Variants in PCCA observed in about 807,000 individuals in gnomAD.
The protein encoded by PCCA is propionyl-CoA carboxylase subunit alpha.
Under a neutral mutation model 101.3 loss-of-function variants are expected in PCCA, and 74 were observed. That is an observed-to-expected ratio of 0.73 (90% CI 0.61 to 0.89). The LOEUF (loss-of-function observed/expected upper bound fraction) is 0.89, where lower values mean the gene tolerates loss of function less well. Among genes scored for constraint, PCCA ranks in the 40% least tolerant of loss-of-function variants. The probability of loss-of-function intolerance (pLI) is 0.00; values close to 1 mark genes in which losing one functional copy is unlikely to be tolerated. For missense variants in PCCA, 891 were observed against 907.0 expected, an observed-to-expected ratio of 0.98 and a Z score of 0.23; for synonymous variants, 294 against 313.6, an observed-to-expected ratio of 0.94 and a Z score of 0.66.
intron 22 of PCCA, among the ~76,000 whole-genome samples, chr13:100,521,546 G>A (rs1170291313): frequency 6.6e-6 from 1 of 152,228 alleles, no homozygotes; most frequent in Non-Finnish European, 1.5e-5. Context: ...AAGATGTTGG[G>A]ATGTGAATAC....
At chr13:100,509,851 GTTTTGTTTTT>G (rs1257589148) in intron 21 of PCCA, among the ~76,000 whole-genome samples, 1 of 151,810 alleles carries the variant, frequency 6.6e-6, no homozygotes, top group African/African-American at 2.4e-5. Context: ...GTTTTGTTTT[GTTTTGTTTTT>G]GTCTAAAAGA....
At chr13:100,245,665 A>G (rs187020027) in intron 8 of PCCA, among the ~76,000 whole-genome samples, 209 of 152,306 alleles carry the variant, frequency 1.4e-3, no homozygotes, top group African/African-American at 4.8e-3. Context: ...CTTCATGACA[A>G]GGTGTTTACT....
At chr13:100,157,250 G>C in intron 5 of PCCA, 37 bp from the exon 6 acceptor site, 1 of 1,466,416 alleles carries the variant, frequency 6.8e-7, no homozygotes, top group Middle Eastern at 1.8e-4. Flanking sequence ...TTTGCAATAT[G>C]ATAAAATTGA....
At chr13:100,122,659 T>C (rs1207916763) in intron 4 of PCCA, among the ~76,000 whole-genome samples, 17 of 152,220 alleles carry the variant, frequency 1.1e-4, no homozygotes. Flanking sequence ...GTCTCCTCTT[T>C]CATTCCTAAA....
At chr13:100,518,394 C>G (rs949264242) in intron 22 of PCCA, among the ~76,000 whole-genome samples, 1 of 152,124 alleles carries the variant, frequency 6.6e-6, no homozygotes, top group South Asian at 2.1e-4. Flanking sequence ...TGAATCCGCT[C>G]GGGGCGCTTG....
At chr13:100,133,950 A>G (rs2050837087) in intron 4 of PCCA, among the ~76,000 whole-genome samples, 1 of 152,140 alleles carries the variant, frequency 6.6e-6, no homozygotes, top group Admixed American at 6.5e-5. Context: ...GGACTCTTGG[A>G]CTTAACTGGT....
Position 100,151,206 on chromosome 13 carries a change from CTGT to C in PCCA, c.301-3768_301-3766del, listed in dbSNP as rs1244073167. The C allele has an allele frequency of 1.9e-4, 119 of 631,372 alleles. 1 individual carries two copies. In the Admixed American group the frequency reaches 2.2e-3, roughly 12 times the overall value. 39.1% of individuals were successfully genotyped at this position (631,372 alleles called of 1,614,324 possible). A position where few individuals can be genotyped will look rare whatever the true frequency, so the allele number is the denominator to read the frequency against. Reference sequence around the variant, plus strand: ...CAGTCCTGTAAGATGAAAAACACATCTGTTGTTCTAGTTATTTGGAAATTAGGC... The same window carrying C: ...CAGTCCTGTAAGATGAAAAACACATCTGTTCTAGTTATTTGGAAATTAGGC... On this transcript the variant is annotated intron_variant, in intron 4 of 23. Transcript: ENST00000376285.
At chr13:100,209,576 ATATGCACG>A in intron 7 of PCCA, 113 bp downstream of exon 7, 18 of 789,944 alleles carry the variant, frequency 2.3e-5, no homozygotes, top group Non-Finnish European at 3.6e-5. Context: ...ACACACACAC[ATATGCACG>A]CACATACATA....
chr13:100,164,534 T>G (rs2054837647), intron 6 of PCCA, among the ~76,000 whole-genome samples: 2 of 152,318 alleles, frequency 1.3e-5, no homozygotes, highest in South Asian at 2.1e-4. Context: ...TTCCCCTGAC[T>G]CCTTGACTCT....
At chr13:100,379,758 C>T (rs1049426010) in intron 19 of PCCA, among the ~76,000 whole-genome samples, 3 of 152,080 alleles carry the variant, frequency 2.0e-5, no homozygotes, top group Non-Finnish European at 4.4e-5. Flanking sequence ...GAGACTTATT[C>T]ACTATCACAG....
At chr13:100,290,000 T>C (rs986780335) in intron 12 of PCCA, among the ~76,000 whole-genome samples, 5 of 152,178 alleles carry the variant, frequency 3.3e-5, no homozygotes, top group Non-Finnish European at 7.3e-5. Context: ...TCCTCAACTA[T>C]GTTTCTTTAG....
At chr13:100,444,479 G>A (rs2080636849) in intron 20 of PCCA, among the ~76,000 whole-genome samples, 1 of 107,006 alleles carries the variant, frequency 9.3e-6, no homozygotes, top group Non-Finnish European at 1.7e-5. Context: ...GTCTCGCCCT[G>A]TCACCCAGGC....
At chr13:100,203,146 C>T (rs535465938) in intron 6 of PCCA, among the ~76,000 whole-genome samples, 5 of 151,754 alleles carry the variant, frequency 3.3e-5, no homozygotes, top group South Asian at 2.1e-4. Context: ...TGGTGGTGCG[C>T]GTCTGTAGTC....
intron 1 of PCCA, among the ~76,000 whole-genome samples, chr13:100,096,133 G>A (rs1407105880): frequency 1.3e-5 from 2 of 152,136 alleles, no homozygotes; most frequent in African/African-American, 2.4e-5. Flanking sequence ...TATTGACCCT[G>A]CAGATACTGC....
intron 21 of PCCA, among the ~76,000 whole-genome samples, chr13:100,473,527 C>A (rs1340723733): frequency 1.3e-5 from 2 of 152,184 alleles, no homozygotes; most frequent in African/African-American, 4.8e-5. Context: ...AGGTTACACT[C>A]TCTATAGTAC....
At chr13:100,341,758 T>G (rs1369441081) in intron 18 of PCCA, among the ~76,000 whole-genome samples, 2 of 152,062 alleles carry the variant, frequency 1.3e-5, no homozygotes, top group African/African-American at 2.4e-5. Flanking sequence ...ATTTGGACCT[T>G]GATTATTTCA....
intron 12 of PCCA, among the ~76,000 whole-genome samples, chr13:100,274,716 G>A (rs2063524237): frequency 6.6e-6 from 1 of 152,112 alleles, no homozygotes; most frequent in African/African-American, 2.4e-5. Context: ...TTTCTGTAGG[G>A]ACACTAGTCA....
At chr13:100,375,251 T>A (rs2075827976) in intron 19 of PCCA, among the ~76,000 whole-genome samples, 1 of 152,222 alleles carries the variant, frequency 6.6e-6, no homozygotes, top group Non-Finnish European at 1.5e-5. Context: ...ACGATTTCCA[T>A]TCTTTTGCAT....
chr13:100,426,130 T>C (rs1305593895), intron 20 of PCCA, among the ~76,000 whole-genome samples: 1 of 152,168 alleles, frequency 6.6e-6, no homozygotes, highest in Non-Finnish European at 1.5e-5. Context: ...GTTATTCAGG[T>C]TGACTTTCCA....
Sources: allele counts gnomAD v4.1 joint callset (sites outside exome capture counted in the v4.1 genomes callset), GRCh38; gene constraint gnomAD v4.1.1; transcripts MANE v1.5; gene names NCBI Gene and HGNC (gene_info 2026-07-23, HGNC 2026-07-21).